NUP153: variants seen among roughly 807,000 people sequenced by gnomAD.
NUP153 encodes the protein nuclear pore complex protein Nup153.
A neutral mutation model predicts 134.6 loss-of-function variants in NUP153; 27 were observed. The ratio of observed to expected loss-of-function variants is 0.20; its 90% confidence interval spans 0.15 to 0.28. The LOEUF (loss-of-function observed/expected upper bound fraction) is 0.28. NUP153 is among the 10% of genes least tolerant of loss of function. The probability of loss-of-function intolerance (pLI) is 1.00; values close to 1 mark genes in which losing one functional copy is unlikely to be tolerated. For missense variants in NUP153, 1,821 were observed against 1,731.3 expected (o/e 1.05, Z -0.92); for synonymous variants, 640 against 623.5 (o/e 1.03, Z -0.40).
chr6:17,650,789 T>C (rs1405515163), intron 11 of NUP153, among the ~76,000 whole-genome samples: 2 of 152,104 alleles, frequency 1.3e-5, no homozygotes, highest in Non-Finnish European at 2.9e-5. Context: ...TATTTAACTA[T>C]ATAAAGCAAA....
rs1037404071 is a variant in NUP153, at chr6:17,675,998, TGATAC to T, written c.335-233_335-229del. ...TTTTTTTAAACCAGTAAGAGTGATG[TGATAC>T]GATACAACAGTTGAAATACAACTAT... On this transcript the variant is annotated intron_variant, in intron 2 of 21. Coordinates refer to ENST00000262077, the MANE Select transcript of NUP153 (RefSeq NM_005124.4). This position sits in a 1 kb window ranked among gnomAD's most constrained non-coding sequence, Gnocchi z 4.4. Among the ~76,000 whole-genome samples, 65 of 152,344 alleles carry T rather than the reference TGATAC, an allele frequency of 4.3e-4. 1 individual carries two copies. The highest frequency in any genetic ancestry group is 1.3e-3 in the African/African-American group (54 of 41,586).
chr6:17,617,714 G>A (rs557561714), intron 20 of NUP153, among the ~76,000 whole-genome samples: 19 of 152,078 alleles, frequency 1.2e-4, no homozygotes, highest in African/African-American at 3.4e-4. Context: ...GCGTAGTGGC[G>A]TGCACCTGTA....
intron 5 of NUP153, 51 bp downstream of exon 5, chr6:17,674,854 G>T: frequency 7.3e-7 from 1 of 1,372,712 alleles, no homozygotes. Context: ...TCCAGTTAAA[G>T]TGTAAAAAAA....
intron 8 of NUP153, among the ~76,000 whole-genome samples, chr6:17,668,219 G>C (rs1041394927): frequency 6.6e-6 from 1 of 151,680 alleles, no homozygotes; most frequent in African/African-American, 2.4e-5. Flanking sequence ...GAGATTACAG[G>C]TGCGCACCGC....
At chr6:17,687,813 G>A (rs925988045) in intron 2 of NUP153, among the ~76,000 whole-genome samples, 3 of 152,122 alleles carry the variant, frequency 2.0e-5, no homozygotes, top group Non-Finnish European at 4.4e-5. Context: ...TTTAAAACAC[G>A]TGCTTTAAAG....
chr6:17,644,061 A>C lies in NUP153; in HGVS notation c.1720+2006T>G, dbSNP rs1394068916. Among the ~76,000 whole-genome samples, 4 of 152,170 alleles carry C rather than the reference A, an allele frequency of 2.6e-5. 1 individual carries two copies. The highest frequency in any genetic ancestry group is 4.8e-5 in the African/African-American group (2 of 41,444). ...GCTGTGTTAGCCAATTAAAAAAAAA[A>C]GATAAGGTTGCAAACATACCAGTCA... On this transcript the variant is annotated intron_variant, in intron 14 of 21. Coordinates refer to ENST00000262077, the MANE Select transcript of NUP153 (RefSeq NM_005124.4).
At chr6:17,657,592 G>A (rs560239916) in intron 11 of NUP153, among the ~76,000 whole-genome samples, 5 of 151,906 alleles carry the variant, frequency 3.3e-5, no homozygotes, top group Non-Finnish European at 7.4e-5. Context: ...TGGTGCCATG[G>A]TATTGGCTTC....
intron 1 of NUP153, among the ~76,000 whole-genome samples, chr6:17,705,053 G>A (rs889515492): frequency 2.0e-5 from 3 of 152,176 alleles, no homozygotes; most frequent in African/African-American, 7.2e-5. Context: ...CAACGCGCCC[G>A]ACCCAAATCT....
intron 2 of NUP153, among the ~76,000 whole-genome samples, chr6:17,686,399 ATTTC>A (rs1768927548): frequency 6.7e-6 from 1 of 149,928 alleles, no homozygotes; most frequent in African/African-American, 2.5e-5. Context: ...CCTTTTTTTT[ATTTC>A]TTTTTTTTTT....
rs779251127 is a variant in NUP153 at position 17,616,636 on chromosome 6, A to C, written c.4234T>G (p.Ser1412Ala). ...TTTGCACCAAATGTGAACACTCCTG[A>C]TGGACTGTTGTTTGTGAAGTTGAAA... ...TNFNFTNNSP[S>A]GVFTFGANSS... The change falls in exon 21 of 22, where the codon TCA (serine) becomes GCA (alanine). Residue 1412 changes from serine (S) to alanine (A), a missense_variant. Ser to Ala is a moderately conservative substitution (Grantham distance 99). Coordinates refer to ENST00000262077, the MANE Select transcript of NUP153 (RefSeq NM_005124.4). 1.2e-6 allele frequency: 2 copies of C among 1,613,920 alleles called. No individual in the cohort carries two copies. The highest frequency in any genetic ancestry group is 1.7e-6 in the Non-Finnish European group (2 of 1,179,790).
In NUP153 at chr6:17,624,758, G is replaced by C. The variant is rs1165700700; in HGVS notation, c.3977C>G (p.Thr1326Arg). 3.1e-6 allele frequency: 5 copies of C among 1,614,068 alleles called. No homozygotes were observed. In the East Asian group the frequency reaches 1.1e-4, roughly 36 times the overall value. ...GCTGGCACCTTGACTTTGTCCAAAT[G>C]TTGGGGTCTGGTTAGCACCAAATGC... ...SPAFGANQTP[T>R]FGQSQGASQP... The change falls in exon 20 of 22, where the codon ACA becomes AGA. Residue 1326 changes from threonine (T) to arginine (R), a missense_variant. Thr to Arg is a moderately conservative substitution (Grantham distance 71). Coordinates refer to ENST00000262077, the MANE Select transcript of NUP153 (RefSeq NM_005124.4).
chr6:17,676,267 T>C (rs1448140762), intron 2 of NUP153, among the ~76,000 whole-genome samples: 2 of 152,182 alleles, frequency 1.3e-5, no homozygotes, highest in Admixed American at 6.5e-5. Context: ...AACCTGTTTA[T>C]AACCTAAGGT....
At chr6:17,702,563 C>G (rs1196077690) in intron 1 of NUP153, among the ~76,000 whole-genome samples, 3 of 151,916 alleles carry the variant, frequency 2.0e-5, no homozygotes, top group Non-Finnish European at 4.4e-5. Context: ...GTAATGCCAG[C>G]TACTCGGGAG....
chr6:17,675,821 TACCACA>T lies in NUP153; in HGVS notation c.335-57_335-52del, dbSNP rs777804680. 8.4e-6 allele frequency: 13 copies of T among 1,551,820 alleles called. No homozygotes were observed. In the Admixed American group the frequency reaches 2.2e-4, roughly 26 times the overall value. Reference sequence around the variant, plus strand: ...GAATATACAACTTAGAGCGATACACTACCACAAATGGTTTTTACTTTAAGAAAACAC... The same window carrying T: ...GAATATACAACTTAGAGCGATACACTAATGGTTTTTACTTTAAGAAAACAC... On this transcript the variant is annotated intron_variant, in intron 2 of 21. Coordinates refer to ENST00000262077, the MANE Select transcript of NUP153 (RefSeq NM_005124.4). The surrounding 1 kb of genome is among the most constrained non-coding windows in gnomAD (Gnocchi z 4.4).
intron 12 of NUP153, among the ~76,000 whole-genome samples, chr6:17,648,386 G>A (rs766052234): frequency 6.6e-6 from 1 of 152,140 alleles, no homozygotes; most frequent in African/African-American, 2.4e-5. Context: ...GGAGGCCAAG[G>A]CAGGCGGATC....
chr6:17,659,912 G>C (rs905706221), intron 11 of NUP153, among the ~76,000 whole-genome samples: 1 of 152,134 alleles, frequency 6.6e-6, no homozygotes, highest in African/African-American at 2.4e-5. Flanking sequence ...ATGATATACA[G>C]TAATAGATTC....
rs373052717 is a variant in NUP153, at chr6:17,624,773, G to C, written c.3962C>G (p.Ala1321Gly). The change falls in exon 20 of 22, where the codon GCT (alanine) becomes GGT (glycine). Residue 1321 changes from alanine to glycine, a missense_variant. Ala to Gly is a moderately conservative substitution (Grantham distance 60). Transcript: ENST00000262077. ...TTGTCCAAATGTTGGGGTCTGGTTA[G>C]CACCAAATGCTGGACTGGCAGATGG... ...SAPSASPAFG[A>G]NQTPTFGQSQ... 1 of 1,614,000 alleles carries C rather than the reference G, an allele frequency of 6.2e-7. No homozygotes were observed. Among genetic ancestry groups the C allele is most frequent in the African/African-American group, 1.3e-5 (1 of 74,912 alleles).
chr6:17,676,894 C>G (rs1356770697), intron 2 of NUP153, among the ~76,000 whole-genome samples: 1 of 152,084 alleles, frequency 6.6e-6, no homozygotes, highest in African/African-American at 2.4e-5. Flanking sequence ...GCTGCACATA[C>G]CTATATCAAG....
At chr6:17,632,900 TAC>T in intron 16 of NUP153, 56 bp from the exon 17 acceptor site, 2 of 1,374,088 alleles carry the variant, frequency 1.5e-6, no homozygotes, top group Non-Finnish European at 2.0e-6. Flanking sequence ...AATTTTAATT[TAC>T]AGTATGTCAG....
Sources: allele counts gnomAD v4.1 joint callset (sites outside exome capture counted in the v4.1 genomes callset), GRCh38; gene constraint gnomAD v4.1.1; non-coding constraint Gnocchi (gnomAD v3.1); transcripts MANE v1.5; gene names NCBI Gene and HGNC (gene_info 2026-07-23, HGNC 2026-07-21).